The following PXDNL variants were observed in gnomAD, a reference collection of about 807,000 sequenced individuals.
The protein encoded by PXDNL is peroxidasin like.
In PXDNL, 145 loss-of-function variants were observed where a neutral mutation model predicts 150.8. The ratio of observed to expected loss-of-function variants is 0.96; its 90% CI spans 0.84 to 1.10. PXDNL has a LOEUF of 1.10. Among genes scored for constraint, PXDNL ranks in the 50% least tolerant of loss-of-function variants. The pLI is 0.00. For missense variants in PXDNL, 2,087 were observed against 1,873.9 expected (o/e 1.11, Z -2.10); for synonymous variants, 757 against 725.7 (o/e 1.04, Z -0.69).
chr8:51,785,134 G>A (rs1170656473), intron 1 of PXDNL, among the ~76,000 whole-genome samples: 1 of 152,084 alleles, frequency 6.6e-6, no homozygotes, highest in East Asian at 1.9e-4. Context: ...TTTCTAGGAT[G>A]CACTTGATCG....
intron 12 of PXDNL, among the ~76,000 whole-genome samples, chr8:51,434,051 T>C (rs993639672): frequency 1.3e-5 from 2 of 152,216 alleles, no homozygotes; most frequent in African/African-American, 4.8e-5. Flanking sequence ...AGATAATCTT[T>C]AGCCCTCATT....
Position 51,388,062 on chromosome 8 carries a change from G to C in PXDNL, c.3558-13331C>G, listed in dbSNP as rs540568816. ...TAATTTCAGCTAATAAATCAAGTAG[G>C]TTATCATCTTTTTATATATTCCATA... On this transcript the variant is annotated intron_variant, in intron 17 of 22. Transcript: ENST00000356297. Among the ~76,000 whole-genome samples the C allele has an allele frequency of 2.6e-4, 39 of 152,114 alleles. No individual in the cohort carries two copies. In the South Asian group the frequency reaches 7.9e-3, roughly 31 times the overall value.
chr8:51,343,877 A>G (rs1806066480), intron 20 of PXDNL, among the ~76,000 whole-genome samples: 2 of 152,192 alleles, frequency 1.3e-5, no homozygotes, highest in Admixed American at 1.3e-4. Context: ...CCAACACTCA[A>G]ATTATTTAAA....
intron 2 of PXDNL, among the ~76,000 whole-genome samples, chr8:51,602,779 ATTATT>A (rs1813751614): frequency 6.6e-6 from 1 of 151,640 alleles, no homozygotes. Context: ...ATGTTTTACA[ATTATT>A]TTTTCAAAGT....
At chr8:51,641,839 A>C (rs1028817150) in intron 2 of PXDNL, among the ~76,000 whole-genome samples, 5 of 152,154 alleles carry the variant, frequency 3.3e-5, no homozygotes, top group African/African-American at 1.2e-4. Context: ...CATTTGACCC[A>C]GCCATCCCAT....
At chr8:51,356,826 C>T (rs1020474990) in intron 19 of PXDNL, among the ~76,000 whole-genome samples, 4 of 152,196 alleles carry the variant, frequency 2.6e-5, no homozygotes, top group Non-Finnish European at 4.4e-5. Context: ...ATCACTTCAC[C>T]AGCTACGCCT....
intron 14 of PXDNL, among the ~76,000 whole-genome samples, chr8:51,417,629 C>A (rs1808832694): frequency 6.6e-6 from 1 of 152,044 alleles, no homozygotes; most frequent in Admixed American, 6.5e-5. Flanking sequence ...CTTTTTCCCC[C>A]TGGGGAAGAA....
At chr8:51,700,128 T>G (rs1305406753) in intron 1 of PXDNL, among the ~76,000 whole-genome samples, 2 of 151,362 alleles carry the variant, frequency 1.3e-5, no homozygotes, top group Non-Finnish European at 2.9e-5. Flanking sequence ...GTCTGTGAAA[T>G]GCAATAAAGT....
At position 51,446,900 on chromosome 8, in the gene PXDNL, A is replaced by C. The variant is rs571334836; in HGVS notation, c.1525+104T>G. On this transcript the variant is annotated intron_variant, in intron 12 of 22. Coordinates refer to ENST00000356297, the MANE Select transcript of PXDNL (RefSeq NM_144651.5). ...CATTTCTTAGATCATATGACTATATATATATATATAGTCATATATGTCATA... is the reference window on the plus strand; with the variant it reads ...CATTTCTTAGATCATATGACTATATCTATATATATAGTCATATATGTCATA... 10 of 825,572 alleles carry C rather than the reference A, an allele frequency of 1.2e-5. No individual in the cohort carries two copies. The Admixed American group carries it at 2.3e-4, about 19-fold the overall frequency. The allele number at this position is 825,572 out of a possible 1,614,324, so 51.1% of individuals were successfully genotyped here. A position where few individuals can be genotyped will look rare whatever the true frequency, so the allele number is the denominator to read the frequency against.
chr8:51,506,857 C>T (rs1563443041), intron 4 of PXDNL, among the ~76,000 whole-genome samples: 2 of 152,200 alleles, frequency 1.3e-5, no homozygotes, highest in African/African-American at 2.4e-5. Flanking sequence ...TGAGCGCCAA[C>T]CTGTGACTTT....
intron 21 of PXDNL, among the ~76,000 whole-genome samples, chr8:51,330,754 A>C (rs1489841369): frequency 6.6e-6 from 1 of 152,212 alleles, no homozygotes; most frequent in Non-Finnish European, 1.5e-5. Context: ...TCTTTCTCAC[A>C]TGCAAAATAA....
intron 16 of PXDNL, 38 bp from the exon 17 acceptor site, chr8:51,409,599 C>A: frequency 6.7e-7 from 1 of 1,502,118 alleles, no homozygotes; most frequent in Non-Finnish European, 8.9e-7. Context: ...GGAGGGCGGG[C>A]CTGGGAGGGC....
chr8:51,383,386 C>T (rs1405173482), intron 17 of PXDNL, among the ~76,000 whole-genome samples: 2 of 152,084 alleles, frequency 1.3e-5, no homozygotes, highest in African/African-American at 4.8e-5. Context: ...TTTATGACAG[C>T]AAAGACATCT....
chr8:51,634,386 C>CA (rs1350944744), intron 2 of PXDNL, among the ~76,000 whole-genome samples: 1 of 151,892 alleles, frequency 6.6e-6, no homozygotes, highest in Non-Finnish European at 1.5e-5. Context: ...ACTATAGCCT[C>CA]ATAATATAGT....
rs945964533 is a variant in PXDNL, at chr8:51,411,288, C to T, written c.2024G>A (p.Arg675His). Residue 675 changes from arginine (R) to histidine (H), a missense_variant, in exon 16 of 23, where the codon CGT (arginine) becomes CAT (histidine). Arg to His is a conservative substitution (Grantham distance 29). Transcript: ENST00000356297. ...FEHTLQLIRE[R>H]VKQGLTVDLE... ...GTCCACAGTGAGCCCCTGCTTCACA[C>T]GTTCCCGTATCAGCTGCAGCGTGTG... 1.0e-5 allele frequency: 16 copies of T among 1,545,066 alleles called. No homozygotes were observed. Among genetic ancestry groups the T allele is most frequent in the East Asian group, 7.3e-5 (3 of 40,828 alleles).
At chr8:51,776,235 G>A (rs191013798) in intron 1 of PXDNL, among the ~76,000 whole-genome samples, 485 of 152,108 alleles carry the variant, frequency 3.2e-3, no homozygotes, top group African/African-American at 0.011. Flanking sequence ...CTATGATCTC[G>A]CCCTGCCTCC....
intron 2 of PXDNL, among the ~76,000 whole-genome samples, chr8:51,597,675 A>G (rs947289217): frequency 1.5e-5 from 2 of 137,554 alleles, no homozygotes; most frequent in African/African-American, 2.7e-5. Context: ...GTGTGTGTTT[A>G]TGTGTGTGTA....
At chr8:51,650,674 A>G (rs945927357) in intron 2 of PXDNL, among the ~76,000 whole-genome samples, 6 of 152,190 alleles carry the variant, frequency 3.9e-5, no homozygotes, top group Admixed American at 2.0e-4. Flanking sequence ...GTTCAGTGCA[A>G]TTTATGCTGC....
At chr8:51,795,964 T>C (rs2037556335) in intron 1 of PXDNL, among the ~76,000 whole-genome samples, 1 of 152,218 alleles carries the variant, frequency 6.6e-6, no homozygotes, top group South Asian at 2.1e-4. Flanking sequence ...TAAGACCACA[T>C]GAGTAAATAA....
Sources: allele counts gnomAD v4.1 joint callset (sites outside exome capture counted in the v4.1 genomes callset), GRCh38; gene constraint gnomAD v4.1.1; transcripts MANE v1.5; gene names NCBI Gene and HGNC (gene_info 2026-07-23, HGNC 2026-07-21).